The following CCDC28A variants were observed in gnomAD, a reference collection of about 807,000 sequenced individuals.
CCDC28A encodes coiled-coil domain containing 28A.
Under a neutral mutation model 22.1 loss-of-function variants are expected in CCDC28A, and 24 were observed. The ratio of observed to expected loss-of-function variants is 1.09; its 90% confidence interval spans 0.79 to 1.53. The LOEUF is 1.53. Ranked by LOEUF, CCDC28A falls within the 40% of genes most tolerant of loss-of-function variation. The pLI, the probability that CCDC28A is intolerant of heterozygous loss-of-function variation, is 0.00. For missense variants in CCDC28A, 170 were observed against 210.7 expected (o/e 0.81, Z 1.20); for synonymous variants, 83 against 74.7 (o/e 1.11, Z -0.57).
chr6:138,779,744 C>T, intron 2 of CCDC28A, 78 bp from the exon 3 acceptor site: 1 of 1,100,776 alleles, frequency 9.1e-7, no homozygotes, highest in Non-Finnish European at 1.3e-6. Flanking sequence ...AAGGGAAATT[C>T]CATTTACTTC....
intron 1 of CCDC28A, among the ~76,000 whole-genome samples, chr6:138,774,923 T>C (rs1029176331): frequency 1.3e-5 from 2 of 151,906 alleles, no homozygotes; most frequent in African/African-American, 4.8e-5. Context: ...ACAAATAAAG[T>C]ATGGAAGGGG....
intron 4 of CCDC28A, 132 bp from the exon 5 acceptor site, chr6:138,788,234 T>C: frequency 5.2e-6 from 2 of 387,772 alleles, no homozygotes; most frequent in Non-Finnish European, 9.3e-6. Flanking sequence ...GTGCCAGGAT[T>C]ATAAGCACGG....
chr6:138,789,461 A>T (rs564171720), intron 5 of CCDC28A, among the ~76,000 whole-genome samples: 5 of 152,338 alleles, frequency 3.3e-5, no homozygotes, highest in African/African-American at 9.6e-5. Flanking sequence ...TATATATATA[A>T]AAATTACTAT....
intron 5 of CCDC28A, among the ~76,000 whole-genome samples, chr6:138,791,620 A>G (rs1159672438): frequency 6.6e-6 from 1 of 152,102 alleles, no homozygotes; most frequent in Non-Finnish European, 1.5e-5. Flanking sequence ...GAAACACATC[A>G]TGTTCATTCT....
chr6:138,792,411 C>T (rs913625300), intron 5 of CCDC28A, among the ~76,000 whole-genome samples: 1 of 151,966 alleles, frequency 6.6e-6, no homozygotes, highest in African/African-American at 2.4e-5. Context: ...TGGCACATGC[C>T]TTTGGGAGGC....
intron 5 of CCDC28A, among the ~76,000 whole-genome samples, chr6:138,791,385 G>A (rs546785063): frequency 3.3e-5 from 5 of 152,030 alleles, no homozygotes; most frequent in South Asian, 2.1e-4. Flanking sequence ...CCCAGCCTGC[G>A]TTGTATTTCT....
intron 3 of CCDC28A, among the ~76,000 whole-genome samples, chr6:138,783,127 G>A (rs1463825987): frequency 6.6e-6 from 1 of 152,098 alleles, no homozygotes; most frequent in Non-Finnish European, 1.5e-5. Context: ...TGACAACTGT[G>A]TGTACAATTA....
intron 5 of CCDC28A, among the ~76,000 whole-genome samples, chr6:138,789,552 C>T (rs574154328): frequency 1.3e-5 from 2 of 152,278 alleles, no homozygotes; most frequent in East Asian, 1.9e-4. Flanking sequence ...GGGCCTGGCA[C>T]GGTGGCTCAT....
chr6:138,775,883 T>C (rs1355527079), intron 1 of CCDC28A, among the ~76,000 whole-genome samples, 196 bp from the exon 2 acceptor site: 1 of 150,808 alleles, frequency 6.6e-6, no homozygotes, highest in African/African-American at 2.4e-5. Flanking sequence ...AAACAAAAAC[T>C]GTCTACCAGA....
intron 5 of CCDC28A, among the ~76,000 whole-genome samples, chr6:138,791,085 T>G (rs1014343550): frequency 7.2e-5 from 11 of 151,918 alleles, no homozygotes; most frequent in African/African-American, 2.7e-4. Context: ...TCTTAAAATG[T>G]TATATATATA....
At chr6:138,777,081 A>G (rs1462623893) in intron 2 of CCDC28A, among the ~76,000 whole-genome samples, 2 of 152,218 alleles carry the variant, frequency 1.3e-5, no homozygotes, top group South Asian at 2.1e-4. Context: ...TTGGAAGGGA[A>G]GATTATAGCT....
At chr6:138,789,136 G>A (rs1343394141) in intron 5 of CCDC28A, among the ~76,000 whole-genome samples, 1 of 152,132 alleles carries the variant, frequency 6.6e-6, no homozygotes, top group Admixed American at 6.5e-5. Context: ...TTCAGGTTTT[G>A]ACATTTCAAT....
At chr6:138,783,519 G>A (rs1271223114) in intron 3 of CCDC28A, among the ~76,000 whole-genome samples, 1 of 150,092 alleles carries the variant, frequency 6.7e-6, no homozygotes, top group Non-Finnish European at 1.5e-5. Context: ...CTCACTGCAA[G>A]CTTCGCCTCC....
chr6:138,792,955 A>AAGTG lies in CCDC28A; in HGVS notation c.*153_*154insGTGA. On this transcript the variant is annotated 3_prime_UTR_variant, in exon 6 of 6. Coordinates refer to ENST00000617445, the MANE Select transcript of CCDC28A (RefSeq NM_015439.3). ...ATCGTTTTCACTTACTGCTTTTAGT[A>AAGTG]AATGTGACTCGCTGTAATTCACCAT... The AAGTG allele has an allele frequency of 1.6e-6, 1 of 620,468 alleles. No individual in the cohort carries two copies. Among genetic ancestry groups the AAGTG allele is most frequent in the Non-Finnish European group, 2.9e-6 (1 of 347,686 alleles). 38.4% of individuals were successfully genotyped at this position (620,468 alleles called of 1,614,324 possible).
chr6:138,787,302 T>C (rs899840090), intron 4 of CCDC28A, among the ~76,000 whole-genome samples: 1 of 152,188 alleles, frequency 6.6e-6, no homozygotes, highest in Non-Finnish European at 1.5e-5. Flanking sequence ...CCTTCTACCA[T>C]GTGAGGACAT....
intron 4 of CCDC28A, among the ~76,000 whole-genome samples, chr6:138,787,582 A>T (rs1176446933): frequency 6.6e-6 from 1 of 152,072 alleles, no homozygotes; most frequent in East Asian, 1.9e-4. Flanking sequence ...GATCATTAAA[A>T]TGGCAATTTT....
At chr6:138,774,984 C>T (rs961721255) in intron 1 of CCDC28A, among the ~76,000 whole-genome samples, 2 of 148,782 alleles carry the variant, frequency 1.3e-5, no homozygotes, top group East Asian at 3.9e-4. Context: ...GACGGAGTCT[C>T]GCTCTGTCGC....
At position 138,776,433 on chromosome 6, in the gene CCDC28A, C is replaced by T. The variant is rs1428716950; in HGVS notation, c.158+155C>T. Reference sequence around the variant, plus strand: ...TTAGAAGAAAAATTTATGAAAGTTACGGTGTATAGATATTAGAAAATGCAA... The same window carrying T: ...TTAGAAGAAAAATTTATGAAAGTTATGGTGTATAGATATTAGAAAATGCAA... On this transcript the variant is annotated intron_variant, in intron 2 of 5. Transcript: ENST00000617445. Among the ~76,000 whole-genome samples the T allele has an allele frequency of 5.9e-5, 9 of 152,046 alleles. 1 individual carries two copies. The South Asian group carries it at 6.2e-4, about 11-fold the overall frequency.
chr6:138,782,858 A>C (rs186029689), intron 3 of CCDC28A, among the ~76,000 whole-genome samples: 5 of 152,344 alleles, frequency 3.3e-5, no homozygotes, highest in Admixed American at 3.3e-4. Flanking sequence ...CATAATTTAC[A>C]TTAATTCATA....
Sources: allele counts gnomAD v4.1 joint callset (sites outside exome capture counted in the v4.1 genomes callset), GRCh38; gene constraint gnomAD v4.1.1; transcripts MANE v1.5; gene names NCBI Gene and HGNC (gene_info 2026-07-23, HGNC 2026-07-21).